Variants in MTOR observed in about 807,000 individuals in gnomAD.
The protein encoded by MTOR is serine/threonine-protein kinase mTOR.
Under a neutral mutation model 319.8 loss-of-function variants are expected in MTOR, and 70 were observed. The observed-to-expected ratio is 0.22, with a 90% CI of 0.18 to 0.27. The LOEUF is 0.27. Ranked by LOEUF, MTOR falls within the 10% of genes least tolerant of loss-of-function variation. The pLI is 1.00. For synonymous variants in MTOR, 1,183 were observed against 1,211.4 expected (o/e 0.98, Z 0.49); for missense variants, 1,890 against 3,274.4 (o/e 0.58, Z 10.32).
Position 11,117,073 on chromosome 1 carries a change from C to T in MTOR, c.6947G>A (p.Arg2316Gln), listed in dbSNP as rs371628273. ...KSPSSEVWFD[R>Q]RTNYTRSLAV... ...TAAAGAACGGGTATAATTGGTTCTT[C>T]GGTCAAACCACACCTAGAACACAGG... Residue 2316 changes from arginine to glutamine, a missense_variant, in exon 50 of 58, where the codon CGA becomes CAA. Around this residue, in one of 15 missense-constraint regions of MTOR, gnomAD observed 249 missense variants for 596.2 expected, o/e 0.42. Transcript: ENST00000361445. The T allele has an allele frequency of 1.9e-6, 3 of 1,612,732 alleles. No homozygotes were observed. The highest frequency in any genetic ancestry group is 1.7e-6 in the Non-Finnish European group (2 of 1,179,710).
At chr1:11,209,555 G>C in intron 24 of MTOR, 97 bp from the exon 25 acceptor site, 1 of 1,419,204 alleles carries the variant, frequency 7.0e-7, no homozygotes, top group Non-Finnish European at 9.7e-7. Flanking sequence ...ACCTGGTAGA[G>C]CCAGGATTTC....
At chr1:11,200,842 C>T (rs535430854) in intron 26 of MTOR, among the ~76,000 whole-genome samples, 5 of 151,716 alleles carry the variant, frequency 3.3e-5, no homozygotes, top group Non-Finnish European at 7.4e-5. Context: ...GGTGAAACCC[C>T]GTCTCTACTA....
intron 19 of MTOR, among the ~76,000 whole-genome samples, chr1:11,218,391 T>C (rs1289496372): frequency 1.3e-5 from 2 of 151,734 alleles, no homozygotes; most frequent in African/African-American, 4.8e-5. Flanking sequence ...GGTCACACCA[T>C]TGTACTCCAA....
At chr1:11,207,008 T>A (rs931494962) in intron 25 of MTOR, among the ~76,000 whole-genome samples, 1 of 152,238 alleles carries the variant, frequency 6.6e-6, no homozygotes, top group East Asian at 1.9e-4. Context: ...GAAAGTTGGT[T>A]AAGACTGATA....
intron 49 of MTOR, among the ~76,000 whole-genome samples, chr1:11,118,873 T>C (rs1642341005): frequency 6.6e-6 from 1 of 152,038 alleles, no homozygotes. Context: ...GCATTCCACC[T>C]GCCTTGGCCT....
At position 11,212,647 on chromosome 1, in the gene MTOR, T is replaced by C; in HGVS notation, c.3398+149A>G. On this transcript the variant is annotated intron_variant, in intron 22 of 57. Coordinates refer to ENST00000361445, the MANE Select transcript of MTOR (RefSeq NM_004958.4). This position sits in a 1 kb window ranked among gnomAD's most constrained non-coding sequence, Gnocchi z 4.1. ...CCAATGGGATAGGGACAGTTAAGAT[T>C]TCCATAAACCTGGGATATTTCTAGA... The C allele has an allele frequency of 9.4e-7, 1 of 1,068,706 alleles. No individual in the cohort carries two copies. The highest frequency in any genetic ancestry group is 1.4e-6 in the Non-Finnish European group (1 of 733,432). The allele number at this position is 1,068,706 out of a possible 1,614,324, so 66.2% of individuals were successfully genotyped here.
At chr1:11,111,957 C>G (rs1235632259) in intron 54 of MTOR, among the ~76,000 whole-genome samples, 1 of 47,270 alleles carries the variant, frequency 2.1e-5, no homozygotes, top group Non-Finnish European at 4.6e-5. Context: ...CAATTTTACT[C>G]AAAAACAAAC....
intron 6 of MTOR, among the ~76,000 whole-genome samples, chr1:11,250,336 G>T (rs1427815753): frequency 6.6e-6 from 1 of 152,106 alleles, no homozygotes; most frequent in Non-Finnish European, 1.5e-5. Flanking sequence ...TCACTTCCCA[G>T]TAGGGGCGGC....
intron 28 of MTOR, among the ~76,000 whole-genome samples, chr1:11,193,088 G>A (rs896216647): frequency 6.6e-6 from 1 of 151,874 alleles, no homozygotes; most frequent in African/African-American, 2.4e-5. Context: ...TGAGGTGGGC[G>A]GAACAATCAC....
intron 34 of MTOR, among the ~76,000 whole-genome samples, chr1:11,143,139 T>G (rs1643795525): frequency 6.6e-6 from 1 of 152,232 alleles, no homozygotes. Flanking sequence ...AGTGATTGTT[T>G]TTTGTGACTT....
intron 25 of MTOR, among the ~76,000 whole-genome samples, chr1:11,206,581 C>T (rs1225196893): frequency 2.6e-5 from 4 of 152,222 alleles, no homozygotes; most frequent in Non-Finnish European, 4.4e-5. Context: ...CAATAAATGT[C>T]AGTTGTTACT....
chr1:11,223,819 C>T (rs568925170), intron 19 of MTOR, among the ~76,000 whole-genome samples: 5 of 152,036 alleles, frequency 3.3e-5, no homozygotes, highest in Non-Finnish European at 7.4e-5. Flanking sequence ...ACGGGTGGAT[C>T]ACTTGTGGTC....
chr1:11,158,708 T>A (rs1644388245), intron 29 of MTOR, among the ~76,000 whole-genome samples: 1 of 151,754 alleles, frequency 6.6e-6, no homozygotes, highest in African/African-American at 2.4e-5. Flanking sequence ...TTCAAATTTC[T>A]ATACTGGGTG....
intron 29 of MTOR, among the ~76,000 whole-genome samples, chr1:11,162,475 A>C (rs1410395987): frequency 6.6e-6 from 1 of 152,246 alleles, no homozygotes; most frequent in African/African-American, 2.4e-5. Context: ...TCCAAGGCAC[A>C]TAATTGTCAG....
At chr1:11,255,906 G>T (rs1650341935) in intron 5 of MTOR, 86 bp downstream of exon 5, 1 of 1,262,936 alleles carries the variant, frequency 7.9e-7, no homozygotes, top group Non-Finnish European at 1.1e-6. Context: ...TTGCTCCATG[G>T]CAAGGGCTTG....
chr1:11,151,489 A>T (rs1166387205), intron 30 of MTOR, among the ~76,000 whole-genome samples: 1 of 151,848 alleles, frequency 6.6e-6, no homozygotes, highest in Non-Finnish European at 1.5e-5. Flanking sequence ...CCCTTAGAGC[A>T]GTAGTTCTCA....
chr1:11,247,065 G>A (rs748739624), intron 8 of MTOR, among the ~76,000 whole-genome samples: 16 of 152,178 alleles, frequency 1.1e-4, no homozygotes, highest in Non-Finnish European at 1.6e-4. Flanking sequence ...GGTTAAGGGC[G>A]GAGGTGGGGT....
At chr1:11,230,518 CCT>C (rs1439112403) in intron 18 of MTOR, among the ~76,000 whole-genome samples, 1 of 152,162 alleles carries the variant, frequency 6.6e-6, no homozygotes, top group African/African-American at 2.4e-5. Flanking sequence ...CTGAGCCTCG[CCT>C]CTGATTTCCC....
At chr1:11,181,472 C>G (rs1335261663) in intron 28 of MTOR, among the ~76,000 whole-genome samples, 1 of 152,142 alleles carries the variant, frequency 6.6e-6, no homozygotes, top group East Asian at 1.9e-4. Context: ...TTGCACTGAG[C>G]TGAGACCCCA....
Sources: gnomAD v4.1 joint callset for allele counts (sites outside exome capture counted in the v4.1 genomes callset) on GRCh38, gnomAD v4.1.1 for gene constraint, gnomAD v4.1.1 regional missense constraint, Gnocchi (gnomAD v3.1) non-coding constraint, MANE v1.5 for transcripts, NCBI Gene and HGNC (gene_info 2026-07-23, HGNC 2026-07-21) for gene names.